Variants in ANO1 observed in about 807,000 individuals in gnomAD.
ANO1 encodes the protein anoctamin 1, also known as anoctamin-1.
Under a neutral mutation model 124.0 loss-of-function variants are expected in ANO1, and 59 were observed. That is an observed-to-expected ratio of 0.48 (90% CI 0.39 to 0.59). The LOEUF is 0.59. ANO1 is among the 20% of genes least tolerant of loss of function. The pLI, the probability that ANO1 is intolerant of heterozygous loss-of-function variation, is 0.00. For synonymous variants in ANO1, 529 were observed against 532.0 expected (o/e 0.99, Z 0.08); for missense variants, 1,059 against 1,328.0 (o/e 0.80, Z 3.15).
In ANO1 at chr11:70,138,165, T is replaced by C. The variant is rs2047016344; in HGVS notation, c.1258+6086T>C. On this transcript the variant is annotated intron_variant, in intron 11 of 25. Coordinates refer to ENST00000355303, the MANE Select transcript of ANO1 (RefSeq NM_018043.7). ...CTCAAGACCAGTCAGGCCAACATGG[T>C]GAAACCCCGTCTCTACTAAAAATAC... 1.4e-5 allele frequency among the ~76,000 whole-genome samples: 2 copies of C among 145,678 alleles called. 1 individual carries two copies. Among genetic ancestry groups the C allele is most frequent in the African/African-American group, 4.9e-5 (2 of 40,900 alleles).
At chr11:69,970,358 C>T in the ANO1 span, among the ~76,000 whole-genome samples, 1 of 152,182 alleles carries the variant, frequency 6.6e-6, no homozygotes, top group Non-Finnish European at 1.5e-5. Flanking sequence ...GGAACAGCAG[C>T]CCCCGGAGCC....
At chr11:70,163,534 T>C (rs773808735) in intron 19 of ANO1, 194 bp downstream of exon 19, 30 of 668,124 alleles carry the variant, frequency 4.5e-5, no homozygotes, top group Admixed American at 2.8e-4. Context: ...TGTGTTCATA[T>C]AGAATCACCT....
intron 12 of ANO1, chr11:70,150,044 C>T: frequency 1.6e-6 from 1 of 606,374 alleles, no homozygotes; most frequent in Non-Finnish European, 3.1e-6. Flanking sequence ...CACATGGACA[C>T]CCAGCCACCA....
intron 1 of ANO1, among the ~76,000 whole-genome samples, chr11:70,084,432 G>C (rs984852984): frequency 5.3e-5 from 8 of 152,178 alleles, no homozygotes; most frequent in Non-Finnish European, 1.0e-4. Context: ...GAATTAGATG[G>C]AGCGTCCATC....
intron 1 of ANO1, among the ~76,000 whole-genome samples, chr11:70,067,705 A>G (rs1235778029): frequency 6.6e-6 from 1 of 152,134 alleles, no homozygotes; most frequent in Non-Finnish European, 1.5e-5. Context: ...CGGTGGATGC[A>G]CAGGCAGCCC....
chr11:70,026,908 G>A (rs1282696031), intron 1 of ANO1, among the ~76,000 whole-genome samples: 1 of 152,148 alleles, frequency 6.6e-6, no homozygotes, highest in African/African-American at 2.4e-5. Context: ...TCAAACACCA[G>A]GTGTGTTTCC....
chr11:70,188,086 C>T lies in ANO1; in HGVS notation c.*82C>T, dbSNP rs942399808. On this transcript the variant is annotated 3_prime_UTR_variant, in exon 26 of 26. Transcript: ENST00000355303. ...CCCAGGGCAGGCGGCTTCCCGCTCC[C>T]ACCAGGGCCCGGTGGGTCCTGGGTT... 1.2e-5 allele frequency: 17 copies of T among 1,470,764 alleles called. No individual in the cohort carries two copies. The Middle Eastern group carries it at 7.4e-4, about 64-fold the overall frequency. The allele number at this position is 1,470,764 out of a possible 1,614,324, so 91.1% of individuals were successfully genotyped here. A position where few individuals can be genotyped will look rare whatever the true frequency, so the allele number is the denominator to read the frequency against.
In ANO1 at chr11:70,125,661, G is replaced by A. The variant is rs563027184; in HGVS notation, c.963-400G>A. Among the ~76,000 whole-genome samples, 19 of 151,136 alleles carry A rather than the reference G, an allele frequency of 1.3e-4. No individual in the cohort carries two copies. The East Asian group carries it at 1.6e-3, about 13-fold the overall frequency. ...ACATTGAGACCATCCTGGCTAACACGGCGAAACTCCATCTCTACTAAAAAT... is the reference window on the plus strand; with the variant it reads ...ACATTGAGACCATCCTGGCTAACACAGCGAAACTCCATCTCTACTAAAAAT... On this transcript the variant is annotated intron_variant, in intron 9 of 25. Transcript: ENST00000355303.
At position 70,036,485 on chromosome 11, in the gene ANO1, T is replaced by A. The variant is rs183946084; in HGVS notation, c.59-42057T>A. Among the ~76,000 whole-genome samples, 474 of 152,238 alleles carry A rather than the reference T, an allele frequency of 3.1e-3. 3 individuals are homozygous for A. The highest frequency in any genetic ancestry group is 0.011 in the African/African-American group (447 of 41,556). The stretch of plus-strand genomic sequence containing the variant: ...TCTGGGGTACTGCTCAGCCCACTGG[T>A]AAGGAAGGCCTGCTCGGTGACTCTT... On this transcript the variant is annotated intron_variant, in intron 1 of 27. Transcript: ENST00000531349.
chr11:70,112,972 T>G (rs1445276252), intron 7 of ANO1, among the ~76,000 whole-genome samples: 1 of 151,894 alleles, frequency 6.6e-6, no homozygotes, highest in African/African-American at 2.4e-5. Flanking sequence ...AGGGAAGGAG[T>G]CTAGGCAGAT....
chr11:70,185,795 T>C (rs1002848776), intron 25 of ANO1, 100 bp downstream of exon 25: 1 of 1,317,274 alleles, frequency 7.6e-7, no homozygotes, highest in Non-Finnish European at 1.1e-6. Context: ...AAGCCAGGGG[T>C]TCAGAGACTC....
chr11:70,053,093 T>C (rs1214972885), intron 1 of ANO1, among the ~76,000 whole-genome samples: 5 of 152,236 alleles, frequency 3.3e-5, no homozygotes, highest in African/African-American at 1.2e-4. Flanking sequence ...GACTTTTGAG[T>C]GTTAATCTTG....
At chr11:70,084,467 C>T (rs1199506335) in intron 1 of ANO1, among the ~76,000 whole-genome samples, 1 of 152,192 alleles carries the variant, frequency 6.6e-6, no homozygotes, top group African/African-American at 2.4e-5. Context: ...TCAGTGTGTG[C>T]TGAGCTTAGC....
intron 24 of ANO1, among the ~76,000 whole-genome samples, chr11:70,184,772 G>A (rs924622278): frequency 1.3e-5 from 2 of 151,958 alleles, no homozygotes; most frequent in Non-Finnish European, 1.5e-5. Flanking sequence ...TTTTAGAGAC[G>A]GTCTCACTTT....
chr11:70,103,267 A>T, intron 3 of ANO1, 103 bp downstream of exon 3: 1 of 932,216 alleles, frequency 1.1e-6, no homozygotes, highest in South Asian at 1.7e-5. Flanking sequence ...AGTTTTATAA[A>T]AAAAAAACCC....
chr11:70,141,269 G>C (rs1280606978), intron 11 of ANO1, among the ~76,000 whole-genome samples: 1 of 152,192 alleles, frequency 6.6e-6, no homozygotes, highest in Admixed American at 6.5e-5. Flanking sequence ...AAGCCAGCTT[G>C]CCTGTTTTGC....
At chr11:70,101,968 C>T (rs1044771875) in intron 2 of ANO1, among the ~76,000 whole-genome samples, 1 of 152,174 alleles carries the variant, frequency 6.6e-6, no homozygotes. Flanking sequence ...CTTCTCGTTG[C>T]GTCAGCACCC....
chr11:70,125,926 C>G, intron 9 of ANO1, 135 bp from the exon 10 acceptor site: 2 of 1,111,498 alleles, frequency 1.8e-6, no homozygotes. Flanking sequence ...GGCCCAGGAC[C>G]CCACTCTCTG....
In ANO1 at chr11:70,041,156, C is replaced by T. The variant is rs192985814; in HGVS notation, c.59-37386C>T. Among the ~76,000 whole-genome samples the T allele has an allele frequency of 6.2e-3, 943 of 152,222 alleles. 9 individuals are homozygous for T. Among genetic ancestry groups the T allele is most frequent in the Non-Finnish European group, 0.011 (764 of 68,002 alleles). ...GGCAGGGGATGCCGACCTCAGCTCC[C>T]CTAAATCACAAGCAACATTGGCAAC... On this transcript the variant is annotated intron_variant, in intron 1 of 27. Transcript: ENST00000531349.
Sources: gnomAD v4.1 joint callset for allele counts (sites outside exome capture counted in the v4.1 genomes callset) on GRCh38, gnomAD v4.1.1 for gene constraint, MANE v1.5 for transcripts, NCBI Gene and HGNC (gene_info 2026-07-23, HGNC 2026-07-21) for gene names.